The following TRPS1 variants were observed in gnomAD, a reference collection of about 807,000 sequenced individuals.
The protein encoded by TRPS1 is transcriptional repressor GATA binding 1.
In TRPS1, 6 loss-of-function variants were observed where a neutral mutation model predicts 101.2. The ratio of observed to expected loss-of-function variants is 0.06; its 90% confidence interval spans 0.03 to 0.12. The LOEUF (loss-of-function observed/expected upper bound fraction) is 0.12, where lower values mean the gene tolerates loss of function less well. Ranked by LOEUF, TRPS1 falls within the 10% of genes least tolerant of loss-of-function variation. The probability of loss-of-function intolerance (pLI) is 1.00; values close to 1 mark genes in which losing one functional copy is unlikely to be tolerated. For missense variants in TRPS1, 1,363 were observed against 1,567.0 expected, an observed-to-expected ratio of 0.87 and a Z score of 2.20; for synonymous variants, 578 against 589.8, an observed-to-expected ratio of 0.98 and a Z score of 0.29.
chr8:115,503,768 T>C (rs1241252545), intron 5 of TRPS1, among the ~76,000 whole-genome samples: 1 of 152,258 alleles, frequency 6.6e-6, no homozygotes, highest in Non-Finnish European at 1.5e-5. Flanking sequence ...TCATCTTGAT[T>C]GATCCTGGAG....
chr8:115,543,559 T>C lies in TRPS1; in HGVS notation c.2700+43442A>G, dbSNP rs1816502718. Among the ~76,000 whole-genome samples the C allele has an allele frequency of 2.0e-5, 3 of 152,098 alleles. No individual in the cohort carries two copies. The South Asian group carries it at 6.2e-4, about 31-fold the overall frequency. ...AAAAATATATATCTATATACCAAGA[T>C]AAAAAGTTTTAAAAATTGAGGCTAA... is the stretch of plus-strand genomic sequence containing the variant. On this transcript the variant is annotated intron_variant, in intron 5 of 6. Coordinates refer to ENST00000395715, the MANE Select transcript of TRPS1 (RefSeq NM_014112.5).
At chr8:115,536,537 A>AAG (rs1320170710) in intron 5 of TRPS1, among the ~76,000 whole-genome samples, 2 of 151,860 alleles carry the variant, frequency 1.3e-5, no homozygotes, top group Non-Finnish European at 2.9e-5. Flanking sequence ...AAAAAAAAAA[A>AAG]AAAATGTATT....
At position 115,536,251 on chromosome 8, in the gene TRPS1, TG is replaced by T. The variant is rs760936468; in HGVS notation, c.2700+50749del. Among the ~76,000 whole-genome samples the T allele has an allele frequency of 1.8e-3, 270 of 152,234 alleles. 1 individual carries two copies. The highest frequency in any genetic ancestry group is 6.6e-4 in the Non-Finnish European group (45 of 68,002). On this transcript the variant is annotated intron_variant, in intron 5 of 6. Transcript: ENST00000395715. ...ATAGTATTTCACAGGCTGGGTGCGG[TG>T]GCTCACCCCTGTAATCCCAGCACTT...
chr8:115,533,374 T>C (rs1052947918), intron 5 of TRPS1, among the ~76,000 whole-genome samples: 2 of 151,020 alleles, frequency 1.3e-5, no homozygotes, highest in Admixed American at 6.7e-5. Flanking sequence ...GGAGTACCTA[T>C]ATGAACTTTC....
intron 5 of TRPS1, among the ~76,000 whole-genome samples, chr8:115,467,555 G>A (rs1814355630): frequency 6.6e-6 from 1 of 151,998 alleles, no homozygotes; most frequent in African/African-American, 2.4e-5. Flanking sequence ...CGATATGAGT[G>A]TCCAGGAGCC....
At chr8:115,437,630 A>G (rs773138870) in intron 5 of TRPS1, among the ~76,000 whole-genome samples, 1 of 152,232 alleles carries the variant, frequency 6.6e-6, no homozygotes, top group Non-Finnish European at 1.5e-5. Flanking sequence ...TGTCTTCTAG[A>G]AAGGCTGAAT....
intron 5 of TRPS1, among the ~76,000 whole-genome samples, chr8:115,585,473 TGATATA>T (rs1817542415): frequency 6.6e-6 from 1 of 152,114 alleles, no homozygotes; most frequent in Non-Finnish European, 1.5e-5. Context: ...GGGGTTCCGG[TGATATA>T]GATATAAGGC....
Position 115,413,596 on chromosome 8 carries a change from C to A in TRPS1, c.*427G>T. 1 of 156,396 alleles carries A rather than the reference C, an allele frequency of 6.4e-6. No homozygotes were observed. The highest frequency in any genetic ancestry group is 1.4e-5 in the Non-Finnish European group (1 of 70,628). The allele number at this position is 156,396 out of a possible 1,614,324, so 9.7% of individuals were successfully genotyped here. On this transcript the variant is annotated 3_prime_UTR_variant, in exon 7 of 7. Transcript: ENST00000395715. ...TCATGATCATTATAAATTTAGGCAA[C>A]AATTTATGGGTTTTGGAACAAATGG...
At chr8:115,542,634 C>T (rs931459443) in intron 5 of TRPS1, among the ~76,000 whole-genome samples, 2 of 152,050 alleles carry the variant, frequency 1.3e-5, no homozygotes, top group Non-Finnish European at 2.9e-5. Flanking sequence ...CAAGTTTGCA[C>T]CCTGCTTTTA....
At chr8:115,560,911 A>G (rs1176190664) in intron 5 of TRPS1, among the ~76,000 whole-genome samples, 1 of 152,126 alleles carries the variant, frequency 6.6e-6, no homozygotes. Context: ...GTAAACAATA[A>G]AAGTCTAACT....
chr8:115,607,675 TA>T, intron 3 of TRPS1, among the ~76,000 whole-genome samples: 1 of 151,600 alleles, frequency 6.6e-6, no homozygotes. Context: ...TATATATTAT[TA>T]AAAGCTAATA....
At chr8:115,547,993 G>A (rs534999412) in intron 5 of TRPS1, among the ~76,000 whole-genome samples, 1 of 151,932 alleles carries the variant, frequency 6.6e-6, no homozygotes, top group Non-Finnish European at 1.5e-5. Flanking sequence ...CACTTTGAGA[G>A]CTGAAGCAGG....
intron 5 of TRPS1, among the ~76,000 whole-genome samples, chr8:115,516,288 C>CA (rs1815709934): frequency 0.013 from 6 of 468 alleles, no homozygotes; most frequent in African/African-American, 0.019. Context: ...ACTAAAGTAT[C>CA]GTAATGAGTT....
chr8:115,538,859 C>G (rs1171592537), intron 5 of TRPS1, among the ~76,000 whole-genome samples: 1 of 152,152 alleles, frequency 6.6e-6, no homozygotes, highest in African/African-American at 2.4e-5. Context: ...GGTTATAGAT[C>G]TATAGTTTGA....
intron 5 of TRPS1, among the ~76,000 whole-genome samples, chr8:115,521,659 C>T (rs1815865169): frequency 6.6e-6 from 1 of 151,248 alleles, no homozygotes; most frequent in Non-Finnish European, 1.5e-5. Flanking sequence ...TCCCAGAATT[C>T]CAAAAAAATA....
chr8:115,541,440 T>A (rs997302584), intron 5 of TRPS1, among the ~76,000 whole-genome samples: 1 of 152,248 alleles, frequency 6.6e-6, no homozygotes. Context: ...TCACTGGTTA[T>A]GCCAAGGCAA....
chr8:115,620,447 T>C (rs565641641), intron 2 of TRPS1, among the ~76,000 whole-genome samples: 1 of 152,048 alleles, frequency 6.6e-6, no homozygotes, highest in African/African-American at 2.4e-5. Context: ...GTCTATATTA[T>C]ATATAACATG....
intron 5 of TRPS1, among the ~76,000 whole-genome samples, chr8:115,553,161 C>T (rs1170889635): frequency 2.0e-5 from 3 of 151,960 alleles, no homozygotes; most frequent in African/African-American, 4.8e-5. Flanking sequence ...TATTTTTATA[C>T]ATAACATTAT....
chr8:115,454,749 A>G (rs189983091), intron 5 of TRPS1, among the ~76,000 whole-genome samples: 260 of 152,304 alleles, frequency 1.7e-3, no homozygotes, highest in South Asian at 0.012. Flanking sequence ...ATATAAGTAC[A>G]TTAAAAGATC....
Sources: gnomAD v4.1 joint callset for allele counts (sites outside exome capture counted in the v4.1 genomes callset) on GRCh38, gnomAD v4.1.1 for gene constraint, MANE v1.5 for transcripts, NCBI Gene and HGNC (gene_info 2026-07-23, HGNC 2026-07-21) for gene names.